Variants in SNX24 observed in about 807,000 individuals in gnomAD.
SNX24 encodes sorting nexin-24.
A neutral mutation model predicts 28.7 loss-of-function variants in SNX24; 22 were observed. The ratio of observed to expected loss-of-function variants is 0.77; its 90% CI spans 0.55 to 1.10. The LOEUF (loss-of-function observed/expected upper bound fraction) is 1.10, where lower values mean the gene tolerates loss of function less well. SNX24 is among the 50% of genes least tolerant of loss of function. SNX24 has a pLI of 0.00. For missense variants in SNX24, 221 were observed against 201.1 expected, an observed-to-expected ratio of 1.10 and a Z score of -0.60; for synonymous variants, 69 against 71.5, an observed-to-expected ratio of 0.96 and a Z score of 0.18.
At chr5:122,879,263 C>T (rs1475272822) in intron 1 of SNX24, among the ~76,000 whole-genome samples, 1 of 152,178 alleles carries the variant, frequency 6.6e-6, no homozygotes, top group Non-Finnish European at 1.5e-5. Flanking sequence ...GAGTGCTATG[C>T]TATGTTGGAC....
At chr5:122,901,854 G>C (rs754755891) in intron 1 of SNX24, among the ~76,000 whole-genome samples, 13 of 152,044 alleles carry the variant, frequency 8.6e-5, no homozygotes, top group Non-Finnish European at 1.9e-4. Context: ...CTTCTTAATG[G>C]GTGTCTGTCC....
At chr5:123,023,833 C>T in intron 5 of SNX24, 2 of 1,607,834 alleles carry the variant, frequency 1.2e-6, no homozygotes, top group Non-Finnish European at 1.7e-6. Flanking sequence ...CACACACACA[C>T]ACACCCCTGC....
intron 3 of SNX24, among the ~76,000 whole-genome samples, chr5:122,956,899 A>G (rs1283679883): frequency 2.7e-5 from 4 of 150,692 alleles, no homozygotes; most frequent in South Asian, 2.1e-4. Context: ...TTCATTGTTG[A>G]GTTTTAAGAG....
chr5:122,996,851 A>AT (rs767673470), intron 3 of SNX24, among the ~76,000 whole-genome samples: 2 of 152,340 alleles, frequency 1.3e-5, no homozygotes, highest in South Asian at 2.1e-4. Context: ...CAAAAATTTG[A>AT]TTTTTTAAAA....
At chr5:122,885,564 T>TTGGGGTGGAATC (rs1227428130) in intron 1 of SNX24, among the ~76,000 whole-genome samples, 4 of 151,154 alleles carry the variant, frequency 2.6e-5, no homozygotes, top group East Asian at 1.9e-4. Context: ...TCTAAGGAAT[T>TTGGGGTGGAATC]TGGGGTCATT....
intron 1 of SNX24, among the ~76,000 whole-genome samples, chr5:122,859,799 T>G (rs1394703489): frequency 1.3e-5 from 2 of 152,168 alleles, no homozygotes; most frequent in Admixed American, 1.3e-4. Flanking sequence ...CAAATACATT[T>G]AAGAAATACA....
At chr5:122,970,172 C>G (rs1581813350) in intron 3 of SNX24, among the ~76,000 whole-genome samples, 1 of 149,980 alleles carries the variant, frequency 6.7e-6, no homozygotes, top group East Asian at 2.0e-4. Context: ...CTCAGAGTTT[C>G]TGGGTGGATA....
intron 3 of SNX24, among the ~76,000 whole-genome samples, chr5:122,946,498 C>A (rs1759691130): frequency 6.6e-6 from 1 of 152,046 alleles, no homozygotes; most frequent in African/African-American, 2.4e-5. Context: ...ATAGCAATCC[C>A]AGCCTTCACG....
chr5:122,989,851 A>G (rs1324719386), intron 3 of SNX24, among the ~76,000 whole-genome samples: 1 of 152,194 alleles, frequency 6.6e-6, no homozygotes, highest in Non-Finnish European at 1.5e-5. Flanking sequence ...TAGGGTACAT[A>G]TGTTTTTCTT....
At chr5:122,863,188 A>G (rs1022958488) in intron 1 of SNX24, among the ~76,000 whole-genome samples, 1 of 152,158 alleles carries the variant, frequency 6.6e-6, no homozygotes, top group African/African-American at 2.4e-5. Flanking sequence ...AAGAGAGGTA[A>G]AGAGTGCTGG....
chr5:122,946,967 C>T (rs181040254), intron 3 of SNX24, among the ~76,000 whole-genome samples: 2 of 152,308 alleles, frequency 1.3e-5, no homozygotes, highest in Admixed American at 1.3e-4. Context: ...TGCCATCCTG[C>T]CACTAACCCA....
chr5:122,945,914 T>G, intron 2 of SNX24, 141 bp from the exon 3 acceptor site: 1 of 499,460 alleles, frequency 2.0e-6, no homozygotes. Flanking sequence ...TGCAGTGTAA[T>G]TATATTTTCC....
At chr5:122,931,843 C>T (rs1005791155) in intron 1 of SNX24, among the ~76,000 whole-genome samples, 4 of 146,402 alleles carry the variant, frequency 2.7e-5, no homozygotes, top group Non-Finnish European at 4.5e-5. Flanking sequence ...TTCTTTTTCT[C>T]TTTTTTTTTT....
At chr5:122,961,821 A>G (rs142997348) in intron 3 of SNX24, among the ~76,000 whole-genome samples, 3 of 152,336 alleles carry the variant, frequency 2.0e-5, no homozygotes, top group African/African-American at 4.8e-5. Flanking sequence ...CCTGTAACCT[A>G]GTTTCAGTGG....
downstream of SNX24, chr5:123,009,230 A>C (rs1762511249): frequency 2.0e-6 from 2 of 984,822 alleles, no homozygotes; most frequent in African/African-American, 3.5e-5. Context: ...TTCTCCTAAG[A>C]TTTCACTGGA....
At chr5:122,983,667 G>A (rs935245231) in intron 3 of SNX24, among the ~76,000 whole-genome samples, 2 of 152,182 alleles carry the variant, frequency 1.3e-5, no homozygotes, top group Non-Finnish European at 2.9e-5. Context: ...GCAGTGGCAA[G>A]ATCATAGCTC....
chr5:123,028,912 A>T (rs867794449), intron 5 of SNX24: 1 of 1,464,196 alleles, frequency 6.8e-7, no homozygotes, highest in Middle Eastern at 1.7e-4. Flanking sequence ...CAGAGGCCAT[A>T]CTGAAAGATA....
At chr5:122,981,482 ACCATTAAAT>A (rs1761389668) in intron 3 of SNX24, among the ~76,000 whole-genome samples, 2 of 152,254 alleles carry the variant, frequency 1.3e-5, no homozygotes, top group Admixed American at 6.5e-5. Flanking sequence ...TTATAAGTAT[ACCATTAAAT>A]CATTTTTAGG....
At chr5:122,870,354 T>C (rs1755917174) in intron 1 of SNX24, among the ~76,000 whole-genome samples, 1 of 152,196 alleles carries the variant, frequency 6.6e-6, no homozygotes, top group South Asian at 2.1e-4. Context: ...GATGAACTTC[T>C]ACAGATGTAA....
Sources: gnomAD v4.1 joint callset for allele counts (sites outside exome capture counted in the v4.1 genomes callset) on GRCh38, gnomAD v4.1.1 for gene constraint, MANE v1.5 for transcripts, NCBI Gene and HGNC (gene_info 2026-07-23, HGNC 2026-07-21) for gene names.